The following KPNA4 variants were observed in gnomAD, a reference collection of about 807,000 sequenced individuals.
KPNA4 encodes karyopherin subunit alpha 4.
Under a neutral mutation model 71.3 loss-of-function variants are expected in KPNA4, and 13 were observed. That is an observed-to-expected ratio of 0.18 (90% CI 0.12 to 0.29). The LOEUF (loss-of-function observed/expected upper bound fraction) is 0.29, where lower values mean the gene tolerates loss of function less well. Among genes scored for constraint, KPNA4 ranks in the 10% least tolerant of loss-of-function variants. KPNA4 has a pLI of 1.00. For missense variants in KPNA4, 334 were observed against 603.2 expected, an observed-to-expected ratio of 0.55 and a Z score of 4.67; for synonymous variants, 189 against 195.2, an observed-to-expected ratio of 0.97 and a Z score of 0.26.
At chr3:160,547,354 C>T (rs1001848154) in intron 1 of KPNA4, among the ~76,000 whole-genome samples, 1 of 152,132 alleles carries the variant, frequency 6.6e-6, no homozygotes, top group Non-Finnish European at 1.5e-5. Context: ...GGTGTTTCTA[C>T]TGCATATCAC....
intron 11 of KPNA4, among the ~76,000 whole-genome samples, chr3:160,521,310 G>T (rs1484765346): frequency 6.6e-6 from 1 of 152,146 alleles, no homozygotes; most frequent in East Asian, 1.9e-4. Flanking sequence ...TTAAAAATCA[G>T]TAATCCGGCC....
chr3:160,519,628 A>G (rs1474497108), intron 11 of KPNA4, among the ~76,000 whole-genome samples: 3 of 150,860 alleles, frequency 2.0e-5, no homozygotes, highest in Admixed American at 6.6e-5. Context: ...CCCCGTCTCT[A>G]CTAAAAAATA....
At chr3:160,511,790 G>C (rs763668484) in intron 13 of KPNA4, among the ~76,000 whole-genome samples, 1 of 150,000 alleles carries the variant, frequency 6.7e-6, no homozygotes, top group Non-Finnish European at 1.5e-5. Context: ...TGGTCTTTAG[G>C]ATATATATCA....
In KPNA4 at chr3:160,535,827, A is replaced by G. The variant is rs1042700638; in HGVS notation, c.185T>C (p.Ile62Thr). Residue 62 changes from isoleucine to threonine, a missense_variant, in exon 3 of 17, where the codon ATA becomes ACA. By Grantham distance (89) the Ile-to-Thr change is moderately conservative. Transcript: ENST00000334256. Reference sequence around the variant, plus strand: ...ACTTACCACTCTATAATCACCATCTATATCAGAGTCTTCACAGATATCTTC... The same window carrying G: ...ACTTACCACTCTATAATCACCATCTGTATCAGAGTCTTCACAGATATCTTC... ...PHEDICEDSD[I>T]DGDYRVQNTS... 6 of 1,448,002 alleles carry G rather than the reference A, an allele frequency of 4.1e-6. No individual in the cohort carries two copies. Among genetic ancestry groups the G allele is most frequent in the Middle Eastern group, 2.3e-4 (1 of 4,412 alleles). The allele number at this position is 1,448,002 out of a possible 1,614,324, so 89.7% of individuals were successfully genotyped here.
rs1720844499 is a variant in KPNA4, at chr3:160,500,031, T to A, written c.*2073A>T. 6.6e-6 allele frequency: 1 copy of A among 151,238 alleles called. No homozygotes were observed. The allele number at this position is 151,238 out of a possible 1,614,324, so 9.4% of individuals were successfully genotyped here. A position where few individuals can be genotyped will look rare whatever the true frequency, so the allele number is the denominator to read the frequency against. ...GGCTAAAATATTAATATGTCCATAC[T>A]GAAATGACAGAACCAAAGAAATTTC... is the stretch of plus-strand genomic sequence containing the variant. On this transcript the variant is annotated 3_prime_UTR_variant, in exon 17 of 17. Coordinates refer to ENST00000334256, the MANE Select transcript of KPNA4 (RefSeq NM_002268.5).
intron 5 of KPNA4, among the ~76,000 whole-genome samples, chr3:160,534,718 G>GAAAAAAAAAAAAAAAAAAAAA (rs544384718): frequency 1.4e-5 from 1 of 73,138 alleles, no homozygotes; most frequent in Non-Finnish European, 2.6e-5. Flanking sequence ...CTCCATCTCA[G>GAAAAAAAAAAAAAAAAAAAAA]AAAAAAAAAA....
chr3:160,558,038 C>G (rs1228823326), intron 1 of KPNA4, among the ~76,000 whole-genome samples: 1 of 152,118 alleles, frequency 6.6e-6, no homozygotes, highest in Non-Finnish European at 1.5e-5. Flanking sequence ...ATATCTATGA[C>G]CTTAAATCAT....
chr3:160,537,635 T>C (rs1445447991), intron 1 of KPNA4, among the ~76,000 whole-genome samples: 2 of 148,814 alleles, frequency 1.3e-5, no homozygotes, highest in Admixed American at 6.8e-5. Flanking sequence ...CAGAAAGTCA[T>C]ACTAGATGTC....
intron 13 of KPNA4, among the ~76,000 whole-genome samples, chr3:160,512,510 AT>A (rs1721116147): frequency 2.6e-5 from 4 of 152,364 alleles, no homozygotes; most frequent in Admixed American, 6.5e-5. Flanking sequence ...AGAATCAAAC[AT>A]TTATCTTGCC....
At chr3:160,512,361 CA>C (rs1721112883) in intron 13 of KPNA4, among the ~76,000 whole-genome samples, 1 of 151,842 alleles carries the variant, frequency 6.6e-6, no homozygotes. Flanking sequence ...AAAAGAGTAA[CA>C]ACTAAAAGGT....
At chr3:160,509,422 C>A (rs1221596868) in intron 14 of KPNA4, among the ~76,000 whole-genome samples, 1 of 152,084 alleles carries the variant, frequency 6.6e-6, no homozygotes, top group African/African-American at 2.4e-5. Flanking sequence ...AAACAAAAAA[C>A]TCCTGACTAT....
At chr3:160,560,233 A>G (rs1267030787) in intron 1 of KPNA4, among the ~76,000 whole-genome samples, 1 of 152,144 alleles carries the variant, frequency 6.6e-6, no homozygotes, top group Non-Finnish European at 1.5e-5. Flanking sequence ...CTGAATTAAA[A>G]TCATTCCCTT....
intron 15 of KPNA4, among the ~76,000 whole-genome samples, chr3:160,507,499 C>CAAAAAAA (rs57528939): frequency 2.0e-5 from 1 of 49,480 alleles, no homozygotes; most frequent in Non-Finnish European, 4.6e-5. Context: ...GACACTGTCT[C>CAAAAAAA]AAAAAAAAAA....
At chr3:160,521,617 A>G (rs966141927) in intron 11 of KPNA4, among the ~76,000 whole-genome samples, 162 bp downstream of exon 11, 5 of 152,160 alleles carry the variant, frequency 3.3e-5, no homozygotes, top group African/African-American at 1.2e-4. Flanking sequence ...AGAAATTAGT[A>G]ATCTACAATG....
rs759122802 is a variant in KPNA4, at chr3:160,501,224, T to C, written c.*880A>G. 2.0e-5 allele frequency: 3 copies of C among 151,484 alleles called. No individual in the cohort carries two copies. The highest frequency in any genetic ancestry group is 4.4e-5 in the Non-Finnish European group (3 of 67,898). The allele number at this position is 151,484 out of a possible 1,614,324, so 9.4% of individuals were successfully genotyped here. A position where few individuals can be genotyped will look rare whatever the true frequency, so the allele number is the denominator to read the frequency against. On this transcript the variant is annotated 3_prime_UTR_variant, in exon 17 of 17. Transcript: ENST00000334256. The stretch of plus-strand genomic sequence containing the variant: ...GCACAGGGAAACCTTCCTGAAAAGT[T>C]TTCTGACTTGAGAAGCAACTAAAAA...
intron 1 of KPNA4, 48 bp downstream of exon 1, chr3:160,565,166 G>T: frequency 6.7e-7 from 1 of 1,492,750 alleles, no homozygotes. Context: ...GCGGAGACCG[G>T]CCCCAGGCCC....
intron 11 of KPNA4, among the ~76,000 whole-genome samples, chr3:160,520,524 G>A (rs919267334): frequency 6.6e-6 from 1 of 151,520 alleles, no homozygotes; most frequent in Admixed American, 6.6e-5. Context: ...GCCTCCCAAA[G>A]TGCTGGGATT....
At chr3:160,507,077 T>A (rs188943977) in intron 15 of KPNA4, among the ~76,000 whole-genome samples, 3,568 of 152,292 alleles carry the variant, frequency 0.023, 126 homozygotes, top group African/African-American at 0.081. Context: ...ATGTTCTGTC[T>A]ATATATTAAC....
chr3:160,558,949 T>C (rs1050979063), intron 1 of KPNA4, among the ~76,000 whole-genome samples: 2 of 152,202 alleles, frequency 1.3e-5, no homozygotes, highest in Non-Finnish European at 2.9e-5. Flanking sequence ...TTATTAAATA[T>C]TGGCCTTTTC....
Sources: gnomAD v4.1 joint callset for allele counts (sites outside exome capture counted in the v4.1 genomes callset) on GRCh38, gnomAD v4.1.1 for gene constraint, MANE v1.5 for transcripts, NCBI Gene and HGNC (gene_info 2026-07-23, HGNC 2026-07-21) for gene names.